The following FBXO34 variants were observed in gnomAD, a reference collection of about 807,000 sequenced individuals.
FBXO34 encodes the protein F-box protein 34, also known as F-box only protein 34.
In FBXO34, 12 loss-of-function variants were observed where a neutral mutation model predicts 24.5. The observed-to-expected ratio is 0.49, with a 90% confidence interval of 0.31 to 0.79. FBXO34 has a LOEUF of 0.79. FBXO34 is among the 30% of genes least tolerant of loss of function. FBXO34 has a pLI of 0.04. For synonymous variants in FBXO34, 320 were observed against 311.9 expected, an observed-to-expected ratio of 1.03 and a Z score of -0.27; for missense variants, 823 against 857.7, an observed-to-expected ratio of 0.96 and a Z score of 0.51.
chr14:55,329,825 C>G (rs921578696), intron 1 of FBXO34, among the ~76,000 whole-genome samples: 2 of 151,966 alleles, frequency 1.3e-5, no homozygotes, highest in African/African-American at 4.8e-5. Context: ...AATTCCGTGC[C>G]AGGAAAACTA....
Position 55,351,349 on chromosome 14 carries a change from G to A in FBXO34, c.959G>A (p.Ser320Asn). 1.9e-6 allele frequency: 3 copies of A among 1,614,204 alleles called. No individual in the cohort carries two copies. Among genetic ancestry groups the A allele is most frequent in the Non-Finnish European group, 2.5e-6 (3 of 1,180,030 alleles). ...GTGGGCAGAGTATTGCTTGCAAATA[G>A]CACTCAGGCTGATGAAGGCAAAACA... The part of the protein sequence containing the change: ...RNVGRVLLAN[S>N]TQADEGKTKK... Residue 320 changes from serine (S) to asparagine (N), a missense_variant, in exon 2 of 2, where the codon AGC becomes AAC. By Grantham distance (46) the Ser-to-Asn change is conservative (BLOSUM62 1). Transcript: ENST00000313833.
chr14:55,339,381 C>CG (rs1555339076), intron 1 of FBXO34: 1 of 132,434 alleles, frequency 7.6e-6, no homozygotes, highest in African/African-American at 2.8e-5. Context: ...ATCACCTGCC[C>CG]CCCCCCCCAA....
the FBXO34 span, among the ~76,000 whole-genome samples, chr14:55,416,951 A>G: frequency 1.3e-5 from 2 of 152,254 alleles, no homozygotes; most frequent in Non-Finnish European, 2.9e-5. Flanking sequence ...AGGAGGTGGT[A>G]TAGCTCAGGA....
At chr14:55,322,758 T>G (rs1883183035) in intron 1 of FBXO34, among the ~76,000 whole-genome samples, 2 of 152,174 alleles carry the variant, frequency 1.3e-5, no homozygotes, top group Admixed American at 1.3e-4. Context: ...TTTAGATATG[T>G]CAGTAATTTA....
the FBXO34 span, among the ~76,000 whole-genome samples, chr14:55,397,852 T>C: frequency 1.3e-5 from 2 of 152,070 alleles, no homozygotes; most frequent in East Asian, 3.8e-4. Flanking sequence ...AATTGTAGAC[T>C]TTTTTTCACT....
downstream of FBXO34, chr14:55,369,653 G>C: frequency 6.5e-7 from 1 of 1,546,184 alleles, no homozygotes; most frequent in South Asian, 1.2e-5. Flanking sequence ...AAACCAGGAG[G>C]TCACCGAGGC....
chr14:55,345,189 C>T (rs1225303001), intron 1 of FBXO34, among the ~76,000 whole-genome samples: 1 of 152,156 alleles, frequency 6.6e-6, no homozygotes, highest in Non-Finnish European at 1.5e-5. Context: ...CACCTGTTGC[C>T]ATCTCACTGG....
chr14:55,351,509 C>T lies in FBXO34; in HGVS notation c.1119C>T (p.Cys373=), dbSNP rs1362577417. Reference sequence around the variant, plus strand: ...CCTGGGACGGTGCTTCTCAGGACTGCCCCCCATTGCCAGCAGGAGTGAGTT... The same window carrying T: ...CCTGGGACGGTGCTTCTCAGGACTGTCCCCCATTGCCAGCAGGAGTGAGTT... ...DQAWDGASQD[C]PPLPAGVSFH... The change falls in exon 2 of 2, where the codon TGC becomes TGT. Residue 373 remains cysteine (C), a synonymous_variant. Coordinates refer to ENST00000313833, the MANE Select transcript of FBXO34 (RefSeq NM_017943.4). 6.2e-7 allele frequency: 1 copy of T among 1,614,044 alleles called. No homozygotes were observed. Among genetic ancestry groups the T allele is most frequent in the East Asian group, 2.2e-5 (1 of 44,866 alleles).
chr14:55,397,864 A>G, the FBXO34 span, among the ~76,000 whole-genome samples: 1 of 151,590 alleles, frequency 6.6e-6, no homozygotes. Flanking sequence ...TTTTTCACTA[A>G]TTTTATTGCT....
chr14:55,394,655 C>G, the FBXO34 span, among the ~76,000 whole-genome samples: 11 of 152,156 alleles, frequency 7.2e-5, no homozygotes, highest in Admixed American at 1.3e-4. Context: ...TCACAGAGTG[C>G]ACGAAATTCT....
At chr14:55,369,612 A>C (rs2140114615), downstream of FBXO34, 3 of 1,502,810 alleles carry the variant, frequency 2.0e-6, no homozygotes, top group East Asian at 4.6e-5. Context: ...GTTTTGGTCC[A>C]TGCTCGTTAA....
At chr14:55,309,792 C>A (rs1882674459) in intron 1 of FBXO34, among the ~76,000 whole-genome samples, 1 of 152,122 alleles carries the variant, frequency 6.6e-6, no homozygotes, top group Non-Finnish European at 1.5e-5. Context: ...GAAATACATA[C>A]AAAACTCAGT....
the FBXO34 span, among the ~76,000 whole-genome samples, chr14:55,402,893 C>CA: frequency 2.0e-3 from 22 of 11,100 alleles, 7 homozygotes; most frequent in East Asian, 0.015. Flanking sequence ...TCCATCTCTA[C>CA]AAAAAAAAAA....
chr14:55,323,184 CAAAAAAAAAAA>C (rs368380622), intron 1 of FBXO34, among the ~76,000 whole-genome samples: 292 of 12,150 alleles, frequency 0.024, 38 homozygotes, highest in African/African-American at 0.15. Flanking sequence ...GACTCTGTCT[CAAAAAAAAAAA>C]AAAAAAAAAA....
chr14:55,332,554 T>G (rs1883633182), intron 1 of FBXO34, among the ~76,000 whole-genome samples: 1 of 152,218 alleles, frequency 6.6e-6, no homozygotes. Context: ...CTTTCTCAGA[T>G]TGTCTTTTAC....
chr14:55,311,703 C>T (rs1474475935), intron 1 of FBXO34, among the ~76,000 whole-genome samples: 1 of 152,114 alleles, frequency 6.6e-6, no homozygotes, highest in East Asian at 1.9e-4. Context: ...TCTGGCTGGG[C>T]AGTCATTAAA....
chr14:55,308,107 C>A (rs7150909), intron 1 of FBXO34, among the ~76,000 whole-genome samples: 1 of 152,188 alleles, frequency 6.6e-6, no homozygotes, highest in African/African-American at 2.4e-5. Context: ...TGACTTTGCA[C>A]CTCATTCACC....
the FBXO34 span, among the ~76,000 whole-genome samples, chr14:55,402,947 ATATATATATATATATATATAT>A: frequency 2.7e-5 from 2 of 73,832 alleles, no homozygotes; most frequent in East Asian, 3.7e-4. Context: ...ATATATATAT[ATATATATATATATATATATAT>A]AAATAGCTGG....
chr14:55,371,282 T>A (rs1183910274), downstream of FBXO34, among the ~76,000 whole-genome samples: 3 of 152,220 alleles, frequency 2.0e-5, no homozygotes, highest in Non-Finnish European at 2.9e-5. Flanking sequence ...TTCACAATGA[T>A]GAATGGCTAG....
Sources: gnomAD v4.1 joint callset for allele counts (sites outside exome capture counted in the v4.1 genomes callset) on GRCh38, gnomAD v4.1.1 for gene constraint, MANE v1.5 for transcripts, NCBI Gene and HGNC (gene_info 2026-07-23, HGNC 2026-07-21) for gene names.